NR5A2: variants seen among roughly 807,000 people sequenced by gnomAD.
NR5A2 encodes the protein CYP7A promoter-binding factor.
A neutral mutation model predicts 62.7 loss-of-function variants in NR5A2; 26 were observed. That is an observed-to-expected ratio of 0.41 (90% CI 0.30 to 0.58). The LOEUF is 0.58. Ranked by LOEUF, NR5A2 falls within the 20% of genes least tolerant of loss-of-function variation. The pLI is 0.22. For synonymous variants in NR5A2, 246 were observed against 241.7 expected (o/e 1.02, Z -0.16); for missense variants, 541 against 669.1 (o/e 0.81, Z 2.11).
chr1:200,060,310 C>T (rs1317483894), intron 5 of NR5A2, among the ~76,000 whole-genome samples: 2 of 152,168 alleles, frequency 1.3e-5, no homozygotes, highest in Non-Finnish European at 2.9e-5. Flanking sequence ...GCAACTCGTT[C>T]CCTACAAGTC....
intron 5 of NR5A2, among the ~76,000 whole-genome samples, chr1:200,080,278 G>C (rs532708641): frequency 2.0e-5 from 3 of 152,110 alleles, no homozygotes; most frequent in Non-Finnish European, 4.4e-5. Context: ...ACCTTGTGTG[G>C]CCTCTCAAAG....
intron 5 of NR5A2, among the ~76,000 whole-genome samples, chr1:200,085,137 T>A (rs1217350489): frequency 6.6e-6 from 1 of 152,194 alleles, no homozygotes; most frequent in Admixed American, 6.5e-5. Context: ...GACATGTATG[T>A]ACCCTTTTTT....
intron 5 of NR5A2, among the ~76,000 whole-genome samples, chr1:200,101,399 C>CA (rs1558138773): frequency 6.6e-6 from 1 of 152,056 alleles, no homozygotes; most frequent in Non-Finnish European, 1.5e-5. Context: ...ATACCAGTGT[C>CA]AAAAAATCAG....
chr1:200,059,780 C>A (rs1208176280), intron 5 of NR5A2, among the ~76,000 whole-genome samples: 1 of 152,090 alleles, frequency 6.6e-6, no homozygotes, highest in Middle Eastern at 3.2e-3. Flanking sequence ...TTTGCTCTGA[C>A]CTATTCTTCT....
intron 7 of NR5A2, among the ~76,000 whole-genome samples, chr1:200,150,188 A>G (rs1272324275): frequency 6.6e-6 from 1 of 152,188 alleles, no homozygotes; most frequent in East Asian, 1.9e-4. Context: ...AATGACACAT[A>G]AAAGGAAACC....
At chr1:200,163,322 G>A (rs762716249) in intron 7 of NR5A2, among the ~76,000 whole-genome samples, 1 of 151,484 alleles carries the variant, frequency 6.6e-6, no homozygotes, top group African/African-American at 2.4e-5. Context: ...TTGGTTTAGG[G>A]CAAGAATTTA....
At position 200,068,202 on chromosome 1, in the gene NR5A2, C is replaced by A. The variant is rs543737100; in HGVS notation, c.1110+19384C>A. ...TCTTTTCTATAGTAGCACAAGAATC[C>A]AAGCTATAGTCTTTCCAAGGCTTCT... On this transcript the variant is annotated intron_variant, in intron 5 of 7. Transcript: ENST00000367362. Among the ~76,000 whole-genome samples, 7 of 152,146 alleles carry A rather than the reference C, an allele frequency of 4.6e-5. No individual in the cohort carries two copies. The East Asian group carries it at 1.4e-3, about 29-fold the overall frequency.
At chr1:200,109,202 A>G (rs1665827114) in intron 5 of NR5A2, among the ~76,000 whole-genome samples, 1 of 152,214 alleles carries the variant, frequency 6.6e-6, no homozygotes, top group Non-Finnish European at 1.5e-5. Flanking sequence ...TGGTCAGAAC[A>G]TACTGGTTTG....
At chr1:200,165,044 T>C (rs1248100819) in intron 7 of NR5A2, among the ~76,000 whole-genome samples, 1 of 151,438 alleles carries the variant, frequency 6.6e-6, no homozygotes, top group Non-Finnish European at 1.5e-5. Flanking sequence ...ACCCAGCTAA[T>C]TTTTATATTT....
At chr1:200,077,475 A>G (rs565406491) in intron 5 of NR5A2, among the ~76,000 whole-genome samples, 3 of 152,346 alleles carry the variant, frequency 2.0e-5, no homozygotes, top group South Asian at 2.1e-4. Context: ...GCACATTGGG[A>G]GGCCAAGGCA....
At chr1:200,133,604 C>CAT (rs71132670) in intron 7 of NR5A2, among the ~76,000 whole-genome samples, 1 of 91,528 alleles carries the variant, frequency 1.1e-5, no homozygotes, top group African/African-American at 4.6e-5. Context: ...TATATATACA[C>CAT]ATATATACAC....
intron 5 of NR5A2, among the ~76,000 whole-genome samples, chr1:200,096,941 A>C (rs570890593): frequency 6.6e-6 from 1 of 152,296 alleles, no homozygotes; most frequent in South Asian, 2.1e-4. Flanking sequence ...CTGTTCACAC[A>C]AGGATGAAAT....
intron 7 of NR5A2, among the ~76,000 whole-genome samples, chr1:200,137,219 C>T (rs1667263211): frequency 6.6e-6 from 1 of 151,790 alleles, no homozygotes; most frequent in African/African-American, 2.4e-5. Flanking sequence ...AGCACAATCT[C>T]GGCTCTCTGC....
chr1:200,094,474 C>T (rs953987313), intron 5 of NR5A2, among the ~76,000 whole-genome samples: 1 of 150,548 alleles, frequency 6.6e-6, no homozygotes, highest in Admixed American at 6.6e-5. Context: ...TGTGAGCCAC[C>T]ACGCCCAGCC....
At chr1:200,102,158 G>A (rs2737670) in intron 5 of NR5A2, among the ~76,000 whole-genome samples, 65,025 of 152,014 alleles carry the variant, frequency 0.43, 14,014 homozygotes, top group Non-Finnish European at 0.45. Flanking sequence ...TATACCATGC[G>A]GATGGATGTT....
intron 7 of NR5A2, among the ~76,000 whole-genome samples, chr1:200,131,569 C>G (rs952490099): frequency 1.3e-5 from 2 of 152,148 alleles, no homozygotes; most frequent in African/African-American, 2.4e-5. Context: ...GTGAGAATGC[C>G]ATGTGCTCTT....
intron 5 of NR5A2, among the ~76,000 whole-genome samples, chr1:200,068,943 G>A (rs1023702761): frequency 6.6e-6 from 1 of 152,178 alleles, no homozygotes; most frequent in Non-Finnish European, 1.5e-5. Flanking sequence ...TCTGTAGTGA[G>A]TTTTTCTTTC....
At chr1:200,144,614 G>A (rs1424755666) in intron 7 of NR5A2, among the ~76,000 whole-genome samples, 2 of 152,056 alleles carry the variant, frequency 1.3e-5, no homozygotes, top group Non-Finnish European at 2.9e-5. Flanking sequence ...CATTTGCCAT[G>A]ATCAAAATAC....
intron 7 of NR5A2, among the ~76,000 whole-genome samples, chr1:200,144,590 T>A (rs1046631003): frequency 6.6e-5 from 10 of 152,204 alleles, no homozygotes; most frequent in African/African-American, 2.4e-4. Flanking sequence ...TTACATTGTT[T>A]CCAATTTTTA....
Sources: gnomAD v4.1 joint callset for allele counts (sites outside exome capture counted in the v4.1 genomes callset) on GRCh38, gnomAD v4.1.1 for gene constraint, MANE v1.5 for transcripts, NCBI Gene and HGNC (gene_info 2026-07-23, HGNC 2026-07-21) for gene names.